Variants in KCNIP1 observed in about 807,000 individuals in gnomAD.
KCNIP1 encodes potassium voltage-gated channel interacting protein 1.
KCNIP1 carries 18 observed loss-of-function variants against 33.0 expected under a neutral mutation model. That is an observed-to-expected ratio of 0.55 (90% confidence interval 0.38 to 0.81). The LOEUF (loss-of-function observed/expected upper bound fraction) is 0.81. Ranked by LOEUF, KCNIP1 falls within the 30% of genes least tolerant of loss-of-function variation. The pLI is 0.00. For missense variants in KCNIP1, 238 were observed against 271.6 expected (o/e 0.88, Z 0.87); for synonymous variants, 93 against 98.3 (o/e 0.95, Z 0.32).
chr5:170,684,256 C>A (rs1042318575), intron 1 of KCNIP1, among the ~76,000 whole-genome samples: 1 of 152,152 alleles, frequency 6.6e-6, no homozygotes, highest in African/African-American at 2.4e-5. Flanking sequence ...ACTGCCAGAA[C>A]AAATTACTAC....
intron 7 of KCNIP1, among the ~76,000 whole-genome samples, chr5:170,735,213 T>G (rs1201413048): frequency 6.6e-6 from 1 of 152,252 alleles, no homozygotes; most frequent in African/African-American, 2.4e-5. Context: ...CTATTGCATG[T>G]TCTGTATTTT....
At chr5:170,532,197 C>T (rs984294020) in intron 1 of KCNIP1, among the ~76,000 whole-genome samples, 17 of 152,234 alleles carry the variant, frequency 1.1e-4, no homozygotes, top group African/African-American at 4.1e-4. Flanking sequence ...TCAGTCCACA[C>T]ACTTGGCTAT....
intron 1 of KCNIP1, among the ~76,000 whole-genome samples, chr5:170,686,361 G>C (rs909257350): frequency 6.6e-6 from 1 of 151,884 alleles, no homozygotes; most frequent in Non-Finnish European, 1.5e-5. Context: ...AGAGAGAGGG[G>C]GAGGGAGGAA....
chr5:170,452,765 T>A (rs73800679), intron 1 of KCNIP1, among the ~76,000 whole-genome samples: 338 of 152,340 alleles, frequency 2.2e-3, no homozygotes, highest in African/African-American at 7.6e-3. Context: ...AATTTCTTGA[T>A]GAAATTGCAA....
At chr5:170,535,809 C>T (rs1384149223) in intron 1 of KCNIP1, among the ~76,000 whole-genome samples, 2 of 152,156 alleles carry the variant, frequency 1.3e-5, no homozygotes, top group Non-Finnish European at 2.9e-5. Flanking sequence ...GTTCTGATTG[C>T]TCATCTCCAG....
chr5:170,384,010 A>G (rs13359094), intron 1 of KCNIP1, among the ~76,000 whole-genome samples: 2,370 of 152,314 alleles, frequency 0.016, 52 homozygotes, highest in African/African-American at 0.052. Flanking sequence ...ATGACCCCAC[A>G]GTCCCCGGAC....
intron 1 of KCNIP1, among the ~76,000 whole-genome samples, chr5:170,519,122 A>G (rs547290728): frequency 1.3e-5 from 2 of 152,298 alleles, no homozygotes; most frequent in South Asian, 4.1e-4. Context: ...GGTGTGGCAT[A>G]TAGTGAGGGC....
chr5:170,612,066 C>T (rs529486073), intron 1 of KCNIP1, among the ~76,000 whole-genome samples: 1 of 152,204 alleles, frequency 6.6e-6, no homozygotes, highest in Non-Finnish European at 1.5e-5. Flanking sequence ...AACTGTCTAC[C>T]CTGTCAGGTT....
chr5:170,649,673 A>C (rs1760954159), intron 1 of KCNIP1, among the ~76,000 whole-genome samples: 1 of 132,356 alleles, frequency 7.6e-6, no homozygotes, highest in South Asian at 2.6e-4. Flanking sequence ...TTTCTAACTC[A>C]CACAAAGGCA....
chr5:170,373,781 T>G (rs1475436582), intron 1 of KCNIP1, among the ~76,000 whole-genome samples: 1 of 152,188 alleles, frequency 6.6e-6, no homozygotes, highest in Non-Finnish European at 1.5e-5. Flanking sequence ...TGCACTCTCA[T>G]AAGAGAATGA....
At chr5:170,427,388 A>C (rs1348894598) in intron 1 of KCNIP1, among the ~76,000 whole-genome samples, 1 of 152,182 alleles carries the variant, frequency 6.6e-6, no homozygotes, top group Admixed American at 6.5e-5. Context: ...CAGGAGCATT[A>C]TAGCTACAAC....
chr5:170,665,203 A>G (rs1488436270), intron 1 of KCNIP1, among the ~76,000 whole-genome samples: 1 of 152,210 alleles, frequency 6.6e-6, no homozygotes, highest in African/African-American at 2.4e-5. Flanking sequence ...ATCAGTGTTA[A>G]TCATTAGAAA....
chr5:170,379,197 G>A (rs1482799458), intron 1 of KCNIP1, among the ~76,000 whole-genome samples: 1 of 152,152 alleles, frequency 6.6e-6, no homozygotes, highest in Non-Finnish European at 1.5e-5. Flanking sequence ...TCGGGGTACA[G>A]GCTACACACC....
chr5:170,693,636 A>G (rs1386463833), intron 1 of KCNIP1, among the ~76,000 whole-genome samples: 1 of 152,236 alleles, frequency 6.6e-6, no homozygotes, highest in African/African-American at 2.4e-5. Flanking sequence ...AAGACCCTCC[A>G]TCAACATGAA....
At chr5:170,475,220 C>G (rs1756829010) in intron 1 of KCNIP1, among the ~76,000 whole-genome samples, 1 of 152,240 alleles carries the variant, frequency 6.6e-6, no homozygotes, top group African/African-American at 2.4e-5. Context: ...CCACCCGACC[C>G]AGAAGTCCAG....
At position 170,357,494 on chromosome 5, in the gene KCNIP1, A is replaced by G. The variant is rs571336327; in HGVS notation, c.88+3530A>G. 1.9e-4 allele frequency among the ~76,000 whole-genome samples: 29 copies of G among 152,322 alleles called. No individual in the cohort carries two copies. The South Asian group carries it at 5.0e-3, about 26-fold the overall frequency. On this transcript the variant is annotated intron_variant, in intron 1 of 7. Coordinates refer to the KCNIP1 transcript ENST00000377360. ...AAGAGCAACATCTCATGATCACTTTATGAAAGCCTATGGCCTTGTCAGTTA... is the reference window on the plus strand; with the variant it reads ...AAGAGCAACATCTCATGATCACTTTGTGAAAGCCTATGGCCTTGTCAGTTA...
chr5:170,658,964 C>A (rs868548871), intron 1 of KCNIP1, among the ~76,000 whole-genome samples: 10 of 152,124 alleles, frequency 6.6e-5, no homozygotes. Flanking sequence ...TCTAAGTCGA[C>A]GTTTCCAAAG....
At chr5:170,683,354 A>G (rs754463189) in intron 1 of KCNIP1, among the ~76,000 whole-genome samples, 5 of 152,204 alleles carry the variant, frequency 3.3e-5, no homozygotes, top group Non-Finnish European at 5.9e-5. Flanking sequence ...GTTAAATAAA[A>G]TTTCCAAAAA....
intron 1 of KCNIP1, among the ~76,000 whole-genome samples, chr5:170,568,692 G>T (rs949036958): frequency 5.3e-5 from 7 of 131,354 alleles, no homozygotes; most frequent in African/African-American, 2.0e-4. Context: ...GCATGGTGGC[G>T]GGCACCTGTA....
Sources: allele counts gnomAD v4.1 joint callset (sites outside exome capture counted in the v4.1 genomes callset), GRCh38; gene constraint gnomAD v4.1.1; transcripts MANE v1.5; gene names NCBI Gene and HGNC (gene_info 2026-07-23, HGNC 2026-07-21).